The following EYS variants were observed in gnomAD, a reference collection of about 807,000 sequenced individuals.
The protein encoded by EYS is EGF-like photoreceptor maintenance factor.
In EYS, 250 loss-of-function variants were observed where a neutral mutation model predicts 282.1. That is an observed-to-expected ratio of 0.89 (90% confidence interval 0.80 to 0.98). EYS has a LOEUF of 0.98. Among genes scored for constraint, EYS ranks in the 50% least tolerant of loss-of-function variants. The pLI, the probability that EYS is intolerant of heterozygous loss-of-function variation, is 0.00. For missense variants in EYS, 4,016 were observed against 3,709.0 expected (o/e 1.08, Z -2.15); for synonymous variants, 1,355 against 1,282.9 (o/e 1.06, Z -1.20).
chr6:64,338,106 C>T (rs561649698), intron 29 of EYS, among the ~76,000 whole-genome samples: 1 of 151,952 alleles, frequency 6.6e-6, no homozygotes, highest in Non-Finnish European at 1.5e-5. Context: ...TCCTCTTCAA[C>T]ATAGTACTGA....
At chr6:63,890,590 A>C (rs962871264) in intron 35 of EYS, among the ~76,000 whole-genome samples, 1 of 152,210 alleles carries the variant, frequency 6.6e-6, no homozygotes, top group East Asian at 1.9e-4. Context: ...GGACACAGCT[A>C]AAGAAGTGTT....
rs890636061 is a variant in EYS, at chr6:64,319,405, A to G, written c.6079-12323T>C. Among the ~76,000 whole-genome samples, 3 of 151,890 alleles carry G rather than the reference A, an allele frequency of 2.0e-5. No individual in the cohort carries two copies. The South Asian group carries it at 6.2e-4, about 31-fold the overall frequency. ...CCAATTGATTAAATCAATGGTTTTC[A>G]TCCTGTATTATCTGAGGAACCTACG... On this transcript the variant is annotated intron_variant, in intron 29 of 42. Coordinates refer to ENST00000503581, the MANE Select transcript of EYS (RefSeq NM_001142800.2).
chr6:65,683,588 C>T lies in EYS; in HGVS notation c.-448+23547G>A, dbSNP rs1247363749. Among the ~76,000 whole-genome samples, 5 of 152,010 alleles carry T rather than the reference C, an allele frequency of 3.3e-5. No individual in the cohort carries two copies. In the East Asian group the frequency reaches 5.8e-4, roughly 18 times the overall value. ...TTTTTCTCCATGGTAAAACAGTTTACAATTCCTCCATGGAAATATCAGATG... is the reference window on the plus strand; with the variant it reads ...TTTTTCTCCATGGTAAAACAGTTTATAATTCCTCCATGGAAATATCAGATG... On this transcript the variant is annotated intron_variant, in intron 1 of 42. Coordinates refer to ENST00000503581, the MANE Select transcript of EYS (RefSeq NM_001142800.2).
At chr6:64,921,111 A>T (rs1768333515) in intron 15 of EYS, among the ~76,000 whole-genome samples, 1 of 152,194 alleles carries the variant, frequency 6.6e-6, no homozygotes, top group East Asian at 1.9e-4. Flanking sequence ...TCTGTTTCAT[A>T]CTCCTTAGGG....
chr6:65,212,920 C>T (rs116807217), intron 12 of EYS, among the ~76,000 whole-genome samples: 1,958 of 151,920 alleles, frequency 0.013, 29 homozygotes, highest in African/African-American at 0.04. Context: ...AATTGAGATG[C>T]TTTCAATTTT....
intron 22 of EYS, among the ~76,000 whole-genome samples, chr6:64,766,211 A>G (rs930635646): frequency 6.6e-6 from 1 of 151,310 alleles, no homozygotes; most frequent in Non-Finnish European, 1.5e-5. Context: ...TACAGACATG[A>G]GCCACTGCAC....
chr6:65,663,789 T>C (rs1205861401), intron 1 of EYS, among the ~76,000 whole-genome samples: 1 of 148,090 alleles, frequency 6.8e-6, no homozygotes, highest in Non-Finnish European at 1.5e-5. Context: ...TCAGGCCATT[T>C]CCTGCCTCAG....
At chr6:63,864,441 C>A in intron 35 of EYS, 83 bp from the exon 36 acceptor site, 1 of 912,060 alleles carries the variant, frequency 1.1e-6, no homozygotes, top group Non-Finnish European at 1.6e-6. Context: ...CATGCATGAA[C>A]ACATATGCAA....
chr6:64,438,843 C>G (rs1774836435), intron 27 of EYS, among the ~76,000 whole-genome samples: 1 of 151,384 alleles, frequency 6.6e-6, no homozygotes, highest in African/African-American at 2.4e-5. Context: ...AAATAGAGAC[C>G]TTTTGAGCAA....
At chr6:65,555,752 G>C (rs1326811539) in intron 2 of EYS, among the ~76,000 whole-genome samples, 1 of 152,112 alleles carries the variant, frequency 6.6e-6, no homozygotes, top group Admixed American at 6.5e-5. Context: ...TGAACTGTCT[G>C]AGACAATAAT....
At chr6:64,865,057 T>C (rs1766384176) in intron 19 of EYS, among the ~76,000 whole-genome samples, 1 of 151,968 alleles carries the variant, frequency 6.6e-6, no homozygotes, top group Non-Finnish European at 1.5e-5. Flanking sequence ...ATAATGTTAT[T>C]TGCAGATATC....
In EYS at chr6:63,806,182, A is replaced by T. The variant is rs1438024536; in HGVS notation, c.7411+8T>A. The T allele has an allele frequency of 5.2e-6, 8 of 1,549,966 alleles. No homozygotes were observed. Among genetic ancestry groups the T allele is most frequent in the Non-Finnish European group, 7.0e-6 (8 of 1,145,690 alleles). On this transcript the variant is annotated splice_region_variant and intron_variant, in intron 37 of 42. Coordinates refer to ENST00000503581, the MANE Select transcript of EYS (RefSeq NM_001142800.2). ...GAGGCAAGTCCTAGAGGGTTCAGTT[A>T]ATCTTACCATGGCCTTTCTGTCCAG...
At chr6:64,085,314 A>ACGCG (rs1226340302) in intron 31 of EYS, among the ~76,000 whole-genome samples, 1 of 124,142 alleles carries the variant, frequency 8.1e-6, no homozygotes, top group Non-Finnish European at 1.6e-5. Flanking sequence ...CTCCTTCCAG[A>ACGCG]CGCGCGCGCG....
intron 30 of EYS, among the ~76,000 whole-genome samples, chr6:64,275,017 A>G (rs1272567869): frequency 6.6e-6 from 1 of 152,206 alleles, no homozygotes; most frequent in African/African-American, 2.4e-5. Flanking sequence ...CTTCCAGAAC[A>G]TCCCATAAAG....
intron 29 of EYS, among the ~76,000 whole-genome samples, chr6:64,340,140 T>C (rs555299437): frequency 6.9e-4 from 105 of 151,290 alleles, no homozygotes; most frequent in African/African-American, 2.3e-3. Flanking sequence ...TAGAAGTATA[T>C]GAAAGAGCCC....
intron 22 of EYS, among the ~76,000 whole-genome samples, chr6:64,775,564 A>G (rs1478226263): frequency 2.0e-5 from 3 of 152,094 alleles, no homozygotes; most frequent in African/African-American, 7.2e-5. Context: ...GAAAAAATCA[A>G]ACATTTCATG....
At position 63,984,296 on chromosome 6, in the gene EYS, T is replaced by C. The variant is rs975038600; in HGVS notation, c.7055+87A>G. On this transcript the variant is annotated intron_variant, in intron 35 of 42. Coordinates refer to ENST00000503581, the MANE Select transcript of EYS (RefSeq NM_001142800.2). ...GAATTCTGGACTTGTCATTTTCGTC[T>C]CTCAGAGGACAATACTGCTGGCTTT... 4.4e-6 allele frequency: 4 copies of C among 908,002 alleles called. No individual in the cohort carries two copies. In the African/African-American group the frequency reaches 5.1e-5, roughly 12 times the overall value. 56.2% of individuals were successfully genotyped at this position (908,002 alleles called of 1,614,324 possible). A position where few individuals can be genotyped will look rare whatever the true frequency, so the allele number is the denominator to read the frequency against.
intron 22 of EYS, among the ~76,000 whole-genome samples, chr6:64,776,878 TGTTAG>T (rs1170509935): frequency 1.3e-5 from 2 of 151,500 alleles, no homozygotes; most frequent in African/African-American, 4.9e-5. Context: ...TCTGATGTTA[TGTTAG>T]TTTATTCTCA....
chr6:63,815,225 T>C (rs1232992302), intron 36 of EYS, among the ~76,000 whole-genome samples: 1 of 152,228 alleles, frequency 6.6e-6, no homozygotes, highest in Admixed American at 6.5e-5. Context: ...TAAATTACTT[T>C]ATTTCTCACA....
Sources: gnomAD v4.1 joint callset for allele counts (sites outside exome capture counted in the v4.1 genomes callset) on GRCh38, gnomAD v4.1.1 for gene constraint, MANE v1.5 for transcripts, NCBI Gene and HGNC (gene_info 2026-07-23, HGNC 2026-07-21) for gene names.